CD226: variants seen among roughly 807,000 people sequenced by gnomAD.
The protein encoded by CD226 is CD226 antigen.
CD226 carries 24 observed loss-of-function variants against 34.9 expected under a neutral mutation model. The ratio of observed to expected loss-of-function variants is 0.69; its 90% CI spans 0.50 to 0.97. The LOEUF (loss-of-function observed/expected upper bound fraction) is 0.97, where lower values mean the gene tolerates loss of function less well. Among genes scored for constraint, CD226 ranks in the 50% least tolerant of loss-of-function variants. The pLI is 0.00. For missense variants in CD226, 397 were observed against 412.7 expected (o/e 0.96, Z 0.33); for synonymous variants, 148 against 147.4 (o/e 1.00, Z -0.03).
intron 2 of CD226, among the ~76,000 whole-genome samples, chr18:69,931,896 A>G (rs1719105034): frequency 6.6e-6 from 1 of 152,194 alleles, no homozygotes; most frequent in Non-Finnish European, 1.5e-5. Context: ...GATGGCTTAA[A>G]CAACAGAAAC....
At chr18:69,886,780 T>C (rs1192708743) in intron 3 of CD226, among the ~76,000 whole-genome samples, 2 of 151,978 alleles carry the variant, frequency 1.3e-5, no homozygotes, top group South Asian at 2.1e-4. Context: ...GCAAACCATA[T>C]AGCATTTACA....
chr18:69,897,293 G>T (rs1315024570), intron 2 of CD226, among the ~76,000 whole-genome samples: 1 of 152,128 alleles, frequency 6.6e-6, no homozygotes, highest in Non-Finnish European at 1.5e-5. Flanking sequence ...TAGCATAAAG[G>T]GGTCTTGAGA....
At chr18:69,869,117 A>G (rs1177241894) in intron 4 of CD226, among the ~76,000 whole-genome samples, 1 of 152,228 alleles carries the variant, frequency 6.6e-6, no homozygotes, top group South Asian at 2.1e-4. Context: ...AAACTTACAG[A>G]CAGAAATACC....
At chr18:69,922,706 G>T (rs2055467092) in intron 2 of CD226, among the ~76,000 whole-genome samples, 1 of 152,316 alleles carries the variant, frequency 6.6e-6, no homozygotes, top group South Asian at 2.1e-4. Context: ...CCAGGCCATT[G>T]TGAGGATGCA....
At chr18:69,876,444 T>C (rs934712667) in intron 3 of CD226, among the ~76,000 whole-genome samples, 5 of 152,216 alleles carry the variant, frequency 3.3e-5, no homozygotes. Context: ...TGTTACCTAT[T>C]TGTAACCCGT....
rs1426709411 is a variant in CD226 at position 69,856,293 on chromosome 18, A to G, written c.*8021T>C. 1.3e-5 allele frequency: 2 copies of G among 152,234 alleles called. No homozygotes were observed. Among genetic ancestry groups the G allele is most frequent in the Non-Finnish European group, 2.9e-5 (2 of 68,032 alleles). The allele number at this position is 152,234 out of a possible 1,614,324, so 9.4% of individuals were successfully genotyped here. A position where few individuals can be genotyped will look rare whatever the true frequency, so the allele number is the denominator to read the frequency against. On this transcript the variant is annotated 3_prime_UTR_variant, in exon 6 of 6. Transcript: ENST00000582621. Reference sequence around the variant, plus strand: ...TGTACTAACAAGAGTATCAAGATACATGAGACAAAAACTAACAAAACTGCA... The same window carrying G: ...TGTACTAACAAGAGTATCAAGATACGTGAGACAAAAACTAACAAAACTGCA...
chr18:69,854,799 A>G lies in CD226; in HGVS notation c.*9515T>C, dbSNP rs1340975196. The G allele has an allele frequency of 6.6e-6, 1 of 152,294 alleles. No homozygotes were observed. Among genetic ancestry groups the G allele is most frequent in the East Asian group, 1.9e-4 (1 of 5,192 alleles). The allele number at this position is 152,294 out of a possible 1,614,324, so 9.4% of individuals were successfully genotyped here. ...GACTGAGATTTCACTGTAAGATTAC[A>G]GAGCACTCTCCTTTCCCACAGCTTA... On this transcript the variant is annotated 3_prime_UTR_variant, in exon 6 of 6. Transcript: ENST00000582621.
At chr18:69,913,311 A>T (rs952108499) in intron 2 of CD226, among the ~76,000 whole-genome samples, 1 of 152,210 alleles carries the variant, frequency 6.6e-6, no homozygotes. Flanking sequence ...TGAAAACCAA[A>T]AAAGTCCTTA....
upstream of CD226, among the ~76,000 whole-genome samples, chr18:69,950,259 G>A (rs1454060868): frequency 3.3e-5 from 5 of 150,952 alleles, no homozygotes; most frequent in Non-Finnish European, 5.9e-5. Flanking sequence ...CACACACTCT[G>A]TCTCTCTCTC....
chr18:69,874,015 A>C (rs1239781899), intron 3 of CD226, among the ~76,000 whole-genome samples: 1 of 150,762 alleles, frequency 6.6e-6, no homozygotes, highest in Non-Finnish European at 1.5e-5. Flanking sequence ...TGGTAATGAT[A>C]CAAAAAATCA....
chr18:69,952,497 G>A (rs1054751384), upstream of CD226, among the ~76,000 whole-genome samples: 5 of 152,196 alleles, frequency 3.3e-5, no homozygotes, highest in African/African-American at 1.2e-4. Flanking sequence ...ACCCCACTGA[G>A]TGGGGAAAGA....
chr18:69,904,458 G>A (rs1276940794), intron 2 of CD226, among the ~76,000 whole-genome samples: 3 of 152,160 alleles, frequency 2.0e-5, no homozygotes, highest in African/African-American at 7.2e-5. Context: ...TGCCTCCAGG[G>A]GCAGCTCCGT....
At chr18:69,940,746 C>T (rs1350535516) in intron 2 of CD226, among the ~76,000 whole-genome samples, 4 of 152,088 alleles carry the variant, frequency 2.6e-5, no homozygotes, top group Admixed American at 6.5e-5. Flanking sequence ...CCTGATGATG[C>T]GACAGAAAAG....
At chr18:69,939,951 C>T (rs562880410) in intron 2 of CD226, among the ~76,000 whole-genome samples, 1 of 152,272 alleles carries the variant, frequency 6.6e-6, no homozygotes, top group East Asian at 1.9e-4. Flanking sequence ...ATAATTTGGC[C>T]GTGTGCCCAC....
At chr18:69,882,447 C>A (rs991851692) in intron 3 of CD226, among the ~76,000 whole-genome samples, 6 of 152,156 alleles carry the variant, frequency 3.9e-5, no homozygotes, top group African/African-American at 1.4e-4. Context: ...GCCATAAGTT[C>A]TCCACAGTGA....
At chr18:69,890,160 C>T (rs1449924610) in intron 3 of CD226, among the ~76,000 whole-genome samples, 1 of 152,114 alleles carries the variant, frequency 6.6e-6, no homozygotes, top group Non-Finnish European at 1.5e-5. Context: ...GGACACAGCC[C>T]CTACTAGAAT....
chr18:69,930,146 G>A (rs1053505909), intron 2 of CD226, among the ~76,000 whole-genome samples: 1 of 152,120 alleles, frequency 6.6e-6, no homozygotes, highest in Admixed American at 6.5e-5. Flanking sequence ...TCAGGTAAAA[G>A]CATCTAGATG....
chr18:69,890,944 A>C (rs779151163), intron 3 of CD226, among the ~76,000 whole-genome samples: 6 of 151,864 alleles, frequency 4.0e-5, no homozygotes, highest in Non-Finnish European at 2.9e-5. Context: ...TTCTTTTTTA[A>C]AAAAAGAAGC....
At chr18:69,906,027 T>G (rs142844493) in intron 2 of CD226, among the ~76,000 whole-genome samples, 4 of 152,374 alleles carry the variant, frequency 2.6e-5, no homozygotes, top group Admixed American at 2.6e-4. Flanking sequence ...TCCTTCCTCT[T>G]CTCATATTTT....
Sources: gnomAD v4.1 joint callset for allele counts (sites outside exome capture counted in the v4.1 genomes callset) on GRCh38, gnomAD v4.1.1 for gene constraint, MANE v1.5 for transcripts, NCBI Gene and HGNC (gene_info 2026-07-23, HGNC 2026-07-21) for gene names.